Variants in JAKMIP3 observed in about 807,000 individuals in gnomAD.
The protein encoded by JAKMIP3 is Janus kinase and microtubule interacting protein 3.
A neutral mutation model predicts 118.5 loss-of-function variants in JAKMIP3; 58 were observed. That is an observed-to-expected ratio of 0.49 (90% CI 0.40 to 0.61). The LOEUF is 0.61. JAKMIP3 is among the 20% of genes least tolerant of loss of function. The pLI, the probability that JAKMIP3 is intolerant of heterozygous loss-of-function variation, is 0.00. For missense variants in JAKMIP3, 950 were observed against 1,109.0 expected (o/e 0.86, Z 2.04); for synonymous variants, 486 against 451.2 (o/e 1.08, Z -0.98).
intron 1 of JAKMIP3, among the ~76,000 whole-genome samples, chr10:132,043,601 C>T (rs573708254): frequency 6.6e-5 from 10 of 152,324 alleles, no homozygotes; most frequent in African/African-American, 1.2e-4. Context: ...CAAAGCATTT[C>T]TCTGATGAGA....
chr10:132,153,420 G>T (rs970265260), intron 17 of JAKMIP3, among the ~76,000 whole-genome samples: 1 of 152,172 alleles, frequency 6.6e-6, no homozygotes, highest in Admixed American at 6.5e-5. Context: ...AAGGAGAAGG[G>T]GTGCTCCTGG....
chr10:132,047,827 A>G (rs551393227), intron 1 of JAKMIP3, among the ~76,000 whole-genome samples: 1 of 58,796 alleles, frequency 1.7e-5, no homozygotes, highest in African/African-American at 6.7e-5. Flanking sequence ...GTGTCCCCCC[A>G]CCCCGCCACG....
At chr10:132,130,816 G>A (rs1589887950) in intron 3 of JAKMIP3, among the ~76,000 whole-genome samples, 1 of 152,172 alleles carries the variant, frequency 6.6e-6, no homozygotes, top group African/African-American at 2.4e-5. Flanking sequence ...GATCATGTCC[G>A]TGGGCTTCAC....
At chr10:132,122,066 G>C (rs545410280) in intron 3 of JAKMIP3, among the ~76,000 whole-genome samples, 3 of 152,208 alleles carry the variant, frequency 2.0e-5, no homozygotes, top group Admixed American at 2.0e-4. Flanking sequence ...CAGCACCTAC[G>C]GTAGGTGTTC....
intron 19 of JAKMIP3, among the ~76,000 whole-genome samples, chr10:132,157,328 G>C (rs76031248): frequency 6.6e-6 from 1 of 152,054 alleles, no homozygotes; most frequent in South Asian, 2.1e-4. Flanking sequence ...CAGCCAGGGC[G>C]CTTCCCACCA....
At chr10:132,071,146 A>G (rs115520765) in intron 1 of JAKMIP3, among the ~76,000 whole-genome samples, 2,589 of 141,810 alleles carry the variant, frequency 0.018, 55 homozygotes, top group African/African-American at 0.064. Context: ...TCTTTCACCT[A>G]TGGGTCATTT....
rs1322366894 is a variant in JAKMIP3, at chr10:132,117,739, CCCT to C, written c.633+166_633+168del. On this transcript the variant is annotated intron_variant, in intron 3 of 23. Transcript: ENST00000684848. The surrounding 1 kb of genome is among the most constrained non-coding windows in gnomAD (Gnocchi z 8.6). ...TCTTAGCACAGGCTCCTCATGCCAC[CCCT>C]GTTGGTTTTGAGGACCCTAGAGTCA... Among the ~76,000 whole-genome samples the C allele has an allele frequency of 1.3e-5, 2 of 152,112 alleles. No homozygotes were observed. Among genetic ancestry groups the C allele is most frequent in the Non-Finnish European group, 2.9e-5 (2 of 68,016 alleles).
At chr10:132,139,396 ATG>A (rs551824264) in intron 9 of JAKMIP3, among the ~76,000 whole-genome samples, 144 of 114,088 alleles carry the variant, frequency 1.3e-3, no homozygotes, top group East Asian at 7.0e-3. Context: ...GTGTATGAGT[ATG>A]TGAGTGTGTA....
chr10:132,095,085 AC>A (rs2043671270), intron 1 of JAKMIP3, among the ~76,000 whole-genome samples: 1 of 152,162 alleles, frequency 6.6e-6, no homozygotes, highest in South Asian at 2.1e-4. Flanking sequence ...TGTGTCCCCC[AC>A]AGCAGCCTTG....
At position 132,117,716 on chromosome 10, in the gene JAKMIP3, T is replaced by G; in HGVS notation, c.633+142T>G. On this transcript the variant is annotated intron_variant, in intron 3 of 23. Coordinates refer to ENST00000684848, the MANE Select transcript of JAKMIP3 (RefSeq NM_001323087.2). The surrounding 1 kb of genome is among the most constrained non-coding windows in gnomAD (Gnocchi z 8.6). The stretch of plus-strand genomic sequence containing the variant: ...ACCGGCTTCACCCCCCATGACATTC[T>G]TAGCACAGGCTCCTCATGCCACCCC... 1 of 1,044,100 alleles carries G rather than the reference T, an allele frequency of 9.6e-7. No homozygotes were observed. The highest frequency in any genetic ancestry group is 3.1e-5 in the East Asian group (1 of 32,088). The allele number at this position is 1,044,100 out of a possible 1,614,324, so 64.7% of individuals were successfully genotyped here. A position where few individuals can be genotyped will look rare whatever the true frequency, so the allele number is the denominator to read the frequency against.
chr10:132,094,121 A>G (rs1046829242), intron 1 of JAKMIP3, among the ~76,000 whole-genome samples: 1 of 151,828 alleles, frequency 6.6e-6, no homozygotes, highest in Non-Finnish European at 1.5e-5. Context: ...TATTTTTAGT[A>G]GGTTCACCAT....
chr10:132,129,804 A>G lies in JAKMIP3; in HGVS notation c.634-3508A>G, dbSNP rs73397639. ...TCTTGTTCAGCTTCTAGACTTGTTCATCGCAGAAGGGTAAGTCTAATGCCA... is the reference window on the plus strand; with the variant it reads ...TCTTGTTCAGCTTCTAGACTTGTTCGTCGCAGAAGGGTAAGTCTAATGCCA... On this transcript the variant is annotated intron_variant, in intron 3 of 23. Transcript: ENST00000684848. Among the ~76,000 whole-genome samples the G allele has an allele frequency of 6.3e-3, 957 of 151,622 alleles. 13 individuals are homozygous for G. The highest frequency in any genetic ancestry group is 0.02 in the African/African-American group (845 of 41,284).
At position 132,133,375 on chromosome 10, in the gene JAKMIP3, G is replaced by A. The variant is rs777075866; in HGVS notation, c.697G>A (p.Ala233Thr). ...GCTGGAGAGAGAGTTAGGGGTTCAA[G>A]CCGGGCATGCTCAGAGACTGCAGCT... ...FVLERELGVQ[A>T]GHAQRLQLQK... is the part of the protein sequence containing the mutation. Residue 233 changes from alanine to threonine, a missense_variant, in exon 4 of 24, where the codon GCC (alanine) becomes ACC (threonine). Ala to Thr is a moderately conservative substitution (Grantham distance 58). Coordinates refer to ENST00000684848, the MANE Select transcript of JAKMIP3 (RefSeq NM_001323087.2). 2 of 1,603,068 alleles carry A rather than the reference G, an allele frequency of 1.2e-6. No homozygotes were observed. Among genetic ancestry groups the A allele is most frequent in the African/African-American group, 2.7e-5 (2 of 74,716 alleles).
intron 1 of JAKMIP3, among the ~76,000 whole-genome samples, chr10:132,078,600 C>T (rs2041207716): frequency 7.7e-6 from 1 of 130,662 alleles, no homozygotes; most frequent in South Asian, 2.8e-4. Context: ...CCACTGAGCC[C>T]AGGGACCTTC....
intron 1 of JAKMIP3, among the ~76,000 whole-genome samples, chr10:132,055,760 C>T (rs147069581): frequency 8.5e-5 from 13 of 152,260 alleles, no homozygotes; most frequent in African/African-American, 3.1e-4. Context: ...GCTCAACCAC[C>T]CTCTCACCCT....
intron 2 of JAKMIP3, among the ~76,000 whole-genome samples, chr10:132,110,819 G>A (rs958831718): frequency 2.6e-5 from 4 of 152,252 alleles, no homozygotes; most frequent in South Asian, 4.1e-4. Context: ...GAGGGCTCTC[G>A]AGGGAACCGC....
intron 1 of JAKMIP3, among the ~76,000 whole-genome samples, chr10:132,047,226 A>C (rs2037944967): frequency 6.6e-6 from 1 of 152,184 alleles, no homozygotes; most frequent in African/African-American, 2.4e-5. Context: ...ACTGATATAA[A>C]GTTGTTTGTC....
intron 1 of JAKMIP3, among the ~76,000 whole-genome samples, chr10:132,045,933 T>TA (rs5789110): frequency 0.012 from 1,767 of 144,034 alleles, 24 homozygotes; most frequent in African/African-American, 0.03. Flanking sequence ...GATCCTGTCT[T>TA]AAAAAAAAAA....
chr10:132,064,545 A>T (rs539298929), upstream of JAKMIP3, among the ~76,000 whole-genome samples: 6 of 152,194 alleles, frequency 3.9e-5, no homozygotes, highest in South Asian at 1.2e-3. This position sits in a 1 kb window ranked among gnomAD's most constrained non-coding sequence, Gnocchi z 4.4. Context: ...CCTGACAGGG[A>T]TGTGATTGTG....
Sources: allele counts gnomAD v4.1 joint callset (sites outside exome capture counted in the v4.1 genomes callset), GRCh38; gene constraint gnomAD v4.1.1; non-coding constraint Gnocchi (gnomAD v3.1); transcripts MANE v1.5; gene names NCBI Gene and HGNC (gene_info 2026-07-23, HGNC 2026-07-21).